ANK3: variants seen among roughly 807,000 people sequenced by gnomAD.
ANK3 encodes the protein ankyrin-3.
A neutral mutation model predicts 370.9 loss-of-function variants in ANK3; 57 were observed. That is an observed-to-expected ratio of 0.15 (90% CI 0.12 to 0.19). The LOEUF is 0.19. Ranked by LOEUF, ANK3 falls within the 10% of genes least tolerant of loss-of-function variation. ANK3 has a pLI of 1.00. For missense variants in ANK3, 4,439 were observed against 5,302.1 expected, an observed-to-expected ratio of 0.84 and a Z score of 5.06; for synonymous variants, 1,929 against 1,946.3, an observed-to-expected ratio of 0.99 and a Z score of 0.23.
At chr10:60,268,156 T>G (rs12412493) in intron 5 of ANK3, among the ~76,000 whole-genome samples, 34,796 of 152,172 alleles carry the variant, frequency 0.23, 4,622 homozygotes, top group South Asian at 0.33. Context: ...TACCGGTGTG[T>G]GCCCTTGCAC....
chr10:60,108,048 T>C, intron 27 of ANK3: 1 of 247,808 alleles, frequency 4.0e-6, no homozygotes, highest in South Asian at 3.6e-5. Context: ...GTGACACACA[T>C]CAACTGAAAG....
At chr10:60,685,996 C>T (rs751942293) in intron 1 of ANK3, among the ~76,000 whole-genome samples, 8 of 152,108 alleles carry the variant, frequency 5.3e-5, no homozygotes, top group Non-Finnish European at 1.2e-4. Flanking sequence ...TCTCACAGAT[C>T]AGTTCTCTCC....
intron 1 of ANK3, among the ~76,000 whole-genome samples, chr10:60,317,565 T>A (rs1282460594): frequency 6.6e-6 from 1 of 152,130 alleles, no homozygotes; most frequent in Non-Finnish European, 1.5e-5. Context: ...TCACTAAATA[T>A]ATGAAATTTG....
intron 8 of ANK3, among the ~76,000 whole-genome samples, chr10:60,217,639 T>C (rs1225528777): frequency 6.6e-6 from 1 of 152,230 alleles, no homozygotes; most frequent in African/African-American, 2.4e-5. Context: ...TGATTTCAGT[T>C]CTTTTGCATT....
At chr10:60,554,707 C>G (rs1387386018) in intron 2 of ANK3, among the ~76,000 whole-genome samples, 1 of 152,068 alleles carries the variant, frequency 6.6e-6, no homozygotes, top group Non-Finnish European at 1.5e-5. Context: ...AAAATAATAG[C>G]AAAAACCACA....
chr10:60,088,130 C>CTTT lies in ANK3; in HGVS notation c.3540+14_3540+16dup. On this transcript the variant is annotated intron_variant, in intron 29 of 43. Coordinates refer to ENST00000280772, the MANE Select transcript of ANK3 (RefSeq NM_020987.5). ...TCTCTGCGCATACTGAGGGAAACAA[C>CTTT]TTTTTGTGAACATTACCTGGAGGCC... 6.2e-7 allele frequency: 1 copy of CTTT among 1,612,688 alleles called. No individual in the cohort carries two copies. The highest frequency in any genetic ancestry group is 8.5e-7 in the Non-Finnish European group (1 of 1,178,818).
At chr10:60,104,547 A>G (rs1020024505) in intron 28 of ANK3, among the ~76,000 whole-genome samples, 2 of 151,956 alleles carry the variant, frequency 1.3e-5, no homozygotes, top group East Asian at 3.9e-4. Flanking sequence ...CCTGATTAGC[A>G]CCCTTATCAG....
At chr10:60,333,759 A>C (rs996945553) in intron 1 of ANK3, among the ~76,000 whole-genome samples, 7 of 152,040 alleles carry the variant, frequency 4.6e-5, no homozygotes, top group East Asian at 1.9e-4. Context: ...TTACACTCCC[A>C]CCAACAGTGT....
intron 18 of ANK3, among the ~76,000 whole-genome samples, chr10:60,180,953 G>A (rs955115603): frequency 1.3e-5 from 2 of 152,106 alleles, no homozygotes; most frequent in African/African-American, 2.4e-5. Context: ...CTGAACGAAC[G>A]TAGAGGTCAC....
intron 2 of ANK3, among the ~76,000 whole-genome samples, chr10:60,523,220 A>G (rs577711094): frequency 5.1e-4 from 77 of 152,012 alleles, no homozygotes; most frequent in Non-Finnish European, 9.9e-4. Flanking sequence ...TCAGAGATAC[A>G]CATTTTTCTT....
At chr10:60,565,113 G>T (rs1292433376) in intron 2 of ANK3, among the ~76,000 whole-genome samples, 1 of 152,058 alleles carries the variant, frequency 6.6e-6, no homozygotes, top group Non-Finnish European at 1.5e-5. Context: ...CAAAAGTAAA[G>T]ACCTGGCCTT....
intron 1 of ANK3, among the ~76,000 whole-genome samples, chr10:60,637,116 T>C (rs934561664): frequency 3.1e-4 from 47 of 152,270 alleles, no homozygotes; most frequent in African/African-American, 1.1e-3. Context: ...CATTCATCTT[T>C]CTAATATTTT....
intron 2 of ANK3, among the ~76,000 whole-genome samples, chr10:60,471,593 C>T (rs1429153368): frequency 3.3e-5 from 5 of 152,060 alleles, no homozygotes; most frequent in Admixed American, 3.3e-4. Flanking sequence ...AGGATATCTA[C>T]TGGATACATT....
Position 60,104,405 on chromosome 10 carries a change from G to GAAAGAAAAGAAAAGAAAAGA in ANK3, c.3328+1480_3328+1499dup, listed in dbSNP as rs71015766. ...AAAAAAAAAAAAAGAAACAAAGAAA[G>GAAAGAAAAGAAAAGAAAAGA]AAAGAAAAGAAAAGAAAAGAAAAGA... On this transcript the variant is annotated intron_variant, in intron 28 of 43. Coordinates refer to ENST00000280772, the MANE Select transcript of ANK3 (RefSeq NM_020987.5). 5.1e-3 allele frequency among the ~76,000 whole-genome samples: 453 copies of GAAAGAAAAGAAAAGAAAAGA among 88,210 alleles called. 4 individuals carry two copies. Among genetic ancestry groups the GAAAGAAAAGAAAAGAAAAGA allele is most frequent in the African/African-American group, 0.023 (390 of 16,916 alleles). The allele number at this position is 88,210 out of a possible 152,430, so 57.9% of individuals were successfully genotyped here. A position where few individuals can be genotyped will look rare whatever the true frequency, so the allele number is the denominator to read the frequency against.
intron 1 of ANK3, among the ~76,000 whole-genome samples, chr10:60,699,031 G>T (rs2079509993): frequency 6.7e-6 from 1 of 149,010 alleles, no homozygotes; most frequent in Non-Finnish European, 1.5e-5. Flanking sequence ...CTCAGGAATG[G>T]AAAACTAAAC....
chr10:60,206,080 T>A (rs2096757666), intron 10 of ANK3, among the ~76,000 whole-genome samples, 190 bp from the exon 11 acceptor site: 1 of 152,214 alleles, frequency 6.6e-6, no homozygotes, highest in South Asian at 2.1e-4. Flanking sequence ...GGTACCCTGA[T>A]AATTGTGAAC....
chr10:60,125,617 AC>A (rs939557069), intron 25 of ANK3, among the ~76,000 whole-genome samples: 2 of 151,870 alleles, frequency 1.3e-5, no homozygotes, highest in African/African-American at 4.8e-5. Flanking sequence ...GTTTCTGAGC[AC>A]CCCCCTTAGA....
At chr10:60,219,624 C>A (rs920158372) in intron 8 of ANK3, among the ~76,000 whole-genome samples, 1 of 152,130 alleles carries the variant, frequency 6.6e-6, no homozygotes, top group South Asian at 2.1e-4. Context: ...AACTAAGTGG[C>A]CCCAATCCCG....
chr10:60,159,851 T>G lies in ANK3; in HGVS notation c.2614+6740A>C, dbSNP rs537375444. On this transcript the variant is annotated intron_variant, in intron 23 of 43. Transcript: ENST00000280772. ...CAACGAATAAATTAAAAAGAAAATTTTTAAAATTTCTTGAAACAAAAGAAA... is the reference window on the plus strand; with the variant it reads ...CAACGAATAAATTAAAAAGAAAATTGTTAAAATTTCTTGAAACAAAAGAAA... Among the ~76,000 whole-genome samples, 5 of 152,038 alleles carry G rather than the reference T, an allele frequency of 3.3e-5. No homozygotes were observed. The East Asian group carries it at 9.7e-4, about 29-fold the overall frequency.
Sources: allele counts gnomAD v4.1 joint callset (sites outside exome capture counted in the v4.1 genomes callset), GRCh38; gene constraint gnomAD v4.1.1; transcripts MANE v1.5; gene names NCBI Gene and HGNC (gene_info 2026-07-23, HGNC 2026-07-21).